The following DPT variants were observed in gnomAD, a reference collection of about 807,000 sequenced individuals.
DPT encodes tyrosine-rich acidic matrix protein.
In DPT, 21 loss-of-function variants were observed where a neutral mutation model predicts 31.2. That is an observed-to-expected ratio of 0.67 (90% CI 0.48 to 0.97). DPT has a LOEUF of 0.97. Ranked by LOEUF, DPT falls within the 50% of genes least tolerant of loss-of-function variation. DPT has a pLI of 0.00. For missense variants in DPT, 262 were observed against 258.8 expected, an observed-to-expected ratio of 1.01 and a Z score of -0.08; for synonymous variants, 91 against 86.9, an observed-to-expected ratio of 1.05 and a Z score of -0.26.
At chr1:168,710,515 G>C (rs928140356) in intron 2 of DPT, among the ~76,000 whole-genome samples, 1 of 152,170 alleles carries the variant, frequency 6.6e-6, no homozygotes, top group African/African-American at 2.4e-5. Flanking sequence ...AAGGCTTTGG[G>C]TAAACTTTGT....
chr1:168,710,213 T>G (rs1015207336), intron 2 of DPT, among the ~76,000 whole-genome samples: 3 of 152,256 alleles, frequency 2.0e-5, no homozygotes, highest in Non-Finnish European at 4.4e-5. Flanking sequence ...TGAATCTTGT[T>G]CTGCTGCTTC....
chr1:168,725,302 T>G (rs1424765202), intron 1 of DPT, among the ~76,000 whole-genome samples: 1 of 146,230 alleles, frequency 6.8e-6, no homozygotes, highest in Non-Finnish European at 1.5e-5. Context: ...CCTTCAATCC[T>G]TCCTTCCTCC....
chr1:168,728,815 G>T, intron 1 of DPT, 55 bp downstream of exon 1: 1 of 1,581,964 alleles, frequency 6.3e-7, no homozygotes, highest in South Asian at 1.2e-5. Flanking sequence ...CCCCCAGGAG[G>T]AGGGATATGC....
chr1:168,699,316 A>C (rs1649534944), intron 3 of DPT, among the ~76,000 whole-genome samples: 2 of 151,768 alleles, frequency 1.3e-5, no homozygotes, highest in South Asian at 2.1e-4. Flanking sequence ...TGAGCCTTTC[A>C]TTTTCTTTAT....
chr1:168,696,835 C>T (rs974991765), intron 3 of DPT, among the ~76,000 whole-genome samples: 1 of 152,196 alleles, frequency 6.6e-6, no homozygotes, highest in Non-Finnish European at 1.5e-5. Flanking sequence ...AGGTCACTGG[C>T]TGTGTGGAGG....
intron 1 of DPT, among the ~76,000 whole-genome samples, chr1:168,725,642 C>A (rs559844915): frequency 6.6e-6 from 1 of 152,240 alleles, no homozygotes; most frequent in African/African-American, 2.4e-5. Flanking sequence ...TGCCAGAGAC[C>A]ATCATCCAAA....
At chr1:168,720,161 T>C (rs966579316) in intron 1 of DPT, among the ~76,000 whole-genome samples, 2 of 152,122 alleles carry the variant, frequency 1.3e-5, no homozygotes, top group African/African-American at 4.8e-5. Context: ...TAAGGCACTG[T>C]GTGGAGTCAG....
intron 3 of DPT, 127 bp downstream of exon 3, chr1:168,700,890 C>CGTGTGT (rs774984429): frequency 1.5e-4 from 82 of 540,074 alleles, no homozygotes; most frequent in Non-Finnish European, 2.2e-4. Flanking sequence ...TTGTATTCTA[C>CGTGTGT]GTGTGTGTGT....
intron 3 of DPT, 65 bp downstream of exon 3, chr1:168,700,952 C>G (rs1649581555): frequency 9.7e-7 from 1 of 1,028,310 alleles, no homozygotes; most frequent in African/African-American, 1.6e-5. Flanking sequence ...CAGGTAAAAT[C>G]CTTGCAGGGA....
intron 2 of DPT, among the ~76,000 whole-genome samples, chr1:168,706,574 C>T (rs1012100895): frequency 4.6e-5 from 7 of 152,124 alleles, no homozygotes; most frequent in South Asian, 2.1e-4. Context: ...ATTGGCCAAG[C>T]GGGACCTCTG....
intron 2 of DPT, among the ~76,000 whole-genome samples, chr1:168,701,359 C>T (rs1349430126): frequency 6.6e-6 from 1 of 152,116 alleles, no homozygotes; most frequent in Non-Finnish European, 1.5e-5. Flanking sequence ...ATGAAGATAC[C>T]TCCCCAGGCT....
intron 3 of DPT, among the ~76,000 whole-genome samples, chr1:168,697,496 G>T (rs148492111): frequency 1.3e-5 from 2 of 152,380 alleles, no homozygotes; most frequent in African/African-American, 4.8e-5. Flanking sequence ...TGTTTAAGTG[G>T]TTGGGGATGG....
chr1:168,714,440 T>G, intron 1 of DPT, 94 bp from the exon 2 acceptor site: 4 of 1,450,586 alleles, frequency 2.8e-6, no homozygotes, highest in Non-Finnish European at 3.8e-6. Context: ...ACTCTTTCTC[T>G]GACCTAGATT....
chr1:168,710,055 G>GA (rs767059372), intron 2 of DPT, among the ~76,000 whole-genome samples: 6 of 152,098 alleles, frequency 3.9e-5, no homozygotes, highest in African/African-American at 7.2e-5. Context: ...TGGAGATGTT[G>GA]AAAAAATAAG....
At chr1:168,709,598 A>G (rs1468339931) in intron 2 of DPT, among the ~76,000 whole-genome samples, 2 of 152,184 alleles carry the variant, frequency 1.3e-5, no homozygotes, top group Non-Finnish European at 2.9e-5. Flanking sequence ...TGTTTTTTCC[A>G]GCCCAGAGTG....
chr1:168,728,399 T>C (rs1427370949), intron 1 of DPT, among the ~76,000 whole-genome samples: 8 of 152,226 alleles, frequency 5.3e-5, no homozygotes, highest in Non-Finnish European at 1.5e-5. Flanking sequence ...GAGAGATCAA[T>C]TGTTTATTTT....
chr1:168,729,086 T>C lies in DPT; in HGVS notation c.89A>G (p.Tyr30Cys). The change falls in exon 1 of 4, where the codon TAT becomes TGT. Residue 30 changes from tyrosine to cysteine, a missense_variant. Coordinates refer to ENST00000367817, the MANE Select transcript of DPT (RefSeq NM_001937.5). ...YGDYGYPYQQYHDYSDDGWVN... is the reference protein window; with the variant it reads ...YGDYGYPYQQCHDYSDDGWVN... ...CCACCCATCATCGCTGTAGTCATGA[T>C]ACTGCTGGTATGGGTATCCATAATC... The C allele has an allele frequency of 6.2e-7, 1 of 1,614,144 alleles. No homozygotes were observed. Among genetic ancestry groups the C allele is most frequent in the East Asian group, 2.2e-5 (1 of 44,900 alleles).
chr1:168,712,102 A>G (rs114955356), intron 2 of DPT, among the ~76,000 whole-genome samples: 323 of 152,338 alleles, frequency 2.1e-3, no homozygotes, highest in African/African-American at 7.4e-3. Context: ...CAAGCACTAT[A>G]CTGGGCATTG....
chr1:168,721,498 T>C (rs1433806963), intron 1 of DPT, among the ~76,000 whole-genome samples: 1 of 152,166 alleles, frequency 6.6e-6, no homozygotes, highest in Admixed American at 6.5e-5. Flanking sequence ...TCACGAAACA[T>C]CACTTTCAGT....
Sources: allele counts gnomAD v4.1 joint callset (sites outside exome capture counted in the v4.1 genomes callset), GRCh38; gene constraint gnomAD v4.1.1; transcripts MANE v1.5; gene names NCBI Gene and HGNC (gene_info 2026-07-23, HGNC 2026-07-21).